MEIS2: variants seen among roughly 807,000 people sequenced by gnomAD.
MEIS2 encodes homeobox protein Meis2.
MEIS2 carries 9 observed loss-of-function variants against 58.6 expected under a neutral mutation model. The observed-to-expected ratio is 0.15, with a 90% CI of 0.09 to 0.27. The LOEUF (loss-of-function observed/expected upper bound fraction) is 0.27. Ranked by LOEUF, MEIS2 falls within the 10% of genes least tolerant of loss-of-function variation. The pLI is 1.00. For missense variants in MEIS2, 427 were observed against 635.0 expected, an observed-to-expected ratio of 0.67 and a Z score of 3.52; for synonymous variants, 221 against 228.4, an observed-to-expected ratio of 0.97 and a Z score of 0.29.
chr15:37,075,655 T>C (rs1891306540), intron 7 of MEIS2, among the ~76,000 whole-genome samples: 1 of 152,052 alleles, frequency 6.6e-6, no homozygotes, highest in Non-Finnish European at 1.5e-5. Flanking sequence ...GAAGTGATAA[T>C]CTGCACCTTG....
intron 9 of MEIS2, chr15:36,896,910 G>C: frequency 2.1e-6 from 1 of 476,120 alleles, no homozygotes; most frequent in Non-Finnish European, 3.8e-6. Context: ...AGAGCTCAGG[G>C]ACGGAATAAA....
intron 8 of MEIS2, among the ~76,000 whole-genome samples, chr15:37,004,026 C>A (rs1387196210): frequency 6.6e-6 from 1 of 152,042 alleles, no homozygotes; most frequent in African/African-American, 2.4e-5. Context: ...TTACAGCAGC[C>A]AAAAATGACT....
intron 9 of MEIS2, among the ~76,000 whole-genome samples, chr15:36,899,876 G>A (rs2056381120): frequency 6.6e-6 from 1 of 152,118 alleles, no homozygotes; most frequent in African/African-American, 2.4e-5. Flanking sequence ...AAAAAATAAG[G>A]GGAAAAGAGG....
At chr15:37,093,057 A>C (rs187297959) in intron 6 of MEIS2, among the ~76,000 whole-genome samples, 34 of 152,302 alleles carry the variant, frequency 2.2e-4, no homozygotes, top group Admixed American at 1.6e-3. Context: ...AGCCCTGAGA[A>C]TTGTAATGTG....
chr15:37,052,839 A>C (rs914902816), intron 7 of MEIS2, among the ~76,000 whole-genome samples: 2 of 152,204 alleles, frequency 1.3e-5, no homozygotes, highest in Admixed American at 6.5e-5. Context: ...AACGGCACAA[A>C]AGCAAAGGGT....
At chr15:36,981,675 G>A (rs2059931651) in intron 8 of MEIS2, among the ~76,000 whole-genome samples, 1 of 152,214 alleles carries the variant, frequency 6.6e-6, no homozygotes, top group Admixed American at 6.5e-5. Flanking sequence ...ACTGGGTTAA[G>A]GAATGCCCAG....
intron 9 of MEIS2, among the ~76,000 whole-genome samples, chr15:36,930,234 A>AG (rs1397512261): frequency 3.6e-5 from 5 of 140,524 alleles, no homozygotes; most frequent in African/African-American, 1.1e-4. Flanking sequence ...AGAGAGAGAG[A>AG]AAAAAAAAGT....
intron 8 of MEIS2, among the ~76,000 whole-genome samples, chr15:36,979,024 G>T (rs189391930): frequency 8.5e-5 from 13 of 152,164 alleles, no homozygotes; most frequent in Admixed American, 8.5e-4. Context: ...TTAATTCTTT[G>T]GAAAGGCTGT....
chr15:36,893,685 AG>A (rs2056010366), intron 11 of MEIS2, among the ~76,000 whole-genome samples: 2 of 152,252 alleles, frequency 1.3e-5, no homozygotes, highest in Admixed American at 1.3e-4. Flanking sequence ...GAACTATCCA[AG>A]CTGAGCAAAT....
At chr15:37,082,326 C>T (rs1169549144) in intron 7 of MEIS2, among the ~76,000 whole-genome samples, 1 of 152,160 alleles carries the variant, frequency 6.6e-6, no homozygotes, top group African/African-American at 2.4e-5. Flanking sequence ...TCGGCTTCTC[C>T]TTTTCCCCTC....
intron 7 of MEIS2, among the ~76,000 whole-genome samples, chr15:37,052,016 AAAGT>A (rs1243492761): frequency 6.6e-6 from 1 of 152,222 alleles, no homozygotes; most frequent in African/African-American, 2.4e-5. Context: ...AAAGATAATA[AAAGT>A]AATTCTTAAT....
chr15:36,919,119 T>C (rs982649129), intron 9 of MEIS2, among the ~76,000 whole-genome samples: 14 of 151,960 alleles, frequency 9.2e-5, no homozygotes, highest in Admixed American at 1.3e-4. Flanking sequence ...AGTTTGAGGC[T>C]GCAGTGAGCT....
intron 8 of MEIS2, among the ~76,000 whole-genome samples, chr15:37,026,800 A>G (rs888024290): frequency 6.6e-6 from 1 of 152,222 alleles, no homozygotes; most frequent in African/African-American, 2.4e-5. Flanking sequence ...GTCAGATTCA[A>G]CAAATATTCA....
chr15:36,948,960 C>G (rs2058666238), intron 9 of MEIS2, among the ~76,000 whole-genome samples: 1 of 151,952 alleles, frequency 6.6e-6, no homozygotes. Flanking sequence ...TCTTTTCTTT[C>G]TGCCTTTCTT....
Position 37,093,635 on chromosome 15 carries a change from G to A in MEIS2, c.585C>T (p.Ser195=). 2 of 1,614,176 alleles carry A rather than the reference G, an allele frequency of 1.2e-6. No homozygotes were observed. Among genetic ancestry groups the A allele is most frequent in the Non-Finnish European group, 8.5e-7 (1 of 1,180,046 alleles). ...IDLVIDERDG[S]SKSDHEELSG... is the part of the protein sequence containing the mutation. ...AAAGTTCTTCATGATCTGACTTGGAGCTGCCGTCTCTTTCATCAATGACGA... is the reference window on the plus strand; with the variant it reads ...AAAGTTCTTCATGATCTGACTTGGAACTGCCGTCTCTTTCATCAATGACGA... The change falls in exon 6 of 12, where the codon AGC becomes AGT. Residue 195 remains serine, a synonymous_variant. Transcript: ENST00000561208.
intron 8 of MEIS2, among the ~76,000 whole-genome samples, chr15:37,027,534 T>A (rs1158254316): frequency 6.6e-6 from 1 of 152,086 alleles, no homozygotes; most frequent in Non-Finnish European, 1.5e-5. Flanking sequence ...ATTCTTGGAG[T>A]TTTTAAATAG....
At chr15:36,901,961 G>A (rs2056498293) in intron 9 of MEIS2, among the ~76,000 whole-genome samples, 2 of 152,162 alleles carry the variant, frequency 1.3e-5, no homozygotes, top group Admixed American at 1.3e-4. Context: ...GAGCAATACG[G>A]TGAAGAGCAT....
In MEIS2 at chr15:37,081,084, T is replaced by C. The variant is rs144116355; in HGVS notation, c.754+2687A>G. Among the ~76,000 whole-genome samples the C allele has an allele frequency of 5.7e-3, 872 of 152,292 alleles. 8 individuals are homozygous for C. Among genetic ancestry groups the C allele is most frequent in the African/African-American group, 0.019 (808 of 41,572 alleles). ...CACAAAAATTATAAAGCAACATAAA[T>C]ACATGTATTGTTTTATAGCATGTGG... On this transcript the variant is annotated intron_variant, in intron 7 of 11. Transcript: ENST00000561208.
intron 8 of MEIS2, among the ~76,000 whole-genome samples, chr15:37,024,175 G>C (rs371320819): frequency 1.3e-5 from 2 of 152,036 alleles, no homozygotes; most frequent in African/African-American, 4.8e-5. Context: ...TGGGATTACA[G>C]GTGTGAGCCA....
Sources: gnomAD v4.1 joint callset for allele counts (sites outside exome capture counted in the v4.1 genomes callset) on GRCh38, gnomAD v4.1.1 for gene constraint, MANE v1.5 for transcripts, NCBI Gene and HGNC (gene_info 2026-07-23, HGNC 2026-07-21) for gene names.